Variants in ARHGAP12 observed in about 807,000 individuals in gnomAD.
The protein encoded by ARHGAP12 is Rho GTPase activating protein 12.
A neutral mutation model predicts 108.6 loss-of-function variants in ARHGAP12; 64 were observed. The observed-to-expected ratio is 0.59, with a 90% CI of 0.48 to 0.73. The LOEUF is 0.73. Among genes scored for constraint, ARHGAP12 ranks in the 30% least tolerant of loss-of-function variants. The pLI is 0.00. For synonymous variants in ARHGAP12, 312 were observed against 337.2 expected (o/e 0.93, Z 0.82); for missense variants, 940 against 1,005.9 (o/e 0.93, Z 0.89).
At position 31,806,133 on chromosome 10, in the gene ARHGAP12, G is replaced by A. The variant is rs1834816734; in HGVS notation, c.*1525C>T. ...GGAGAAATAAAAAGTGTACGTTGTG[G>A]GTGGAGAAATGTTGGCATGGAAGAG... is the stretch of plus-strand genomic sequence containing the variant. On this transcript the variant is annotated 3_prime_UTR_variant, in exon 20 of 20. Coordinates refer to ENST00000344936, the MANE Select transcript of ARHGAP12 (RefSeq NM_018287.7). 6.6e-6 allele frequency: 1 copy of A among 152,070 alleles called. No individual in the cohort carries two copies. The highest frequency in any genetic ancestry group is 1.5e-5 in the Non-Finnish European group (1 of 68,002). The allele number at this position is 152,070 out of a possible 1,614,324, so 9.4% of individuals were successfully genotyped here. A position where few individuals can be genotyped will look rare whatever the true frequency, so the allele number is the denominator to read the frequency against.
intron 4 of ARHGAP12, among the ~76,000 whole-genome samples, chr10:31,860,675 G>A (rs1035542346): frequency 2.0e-5 from 3 of 152,134 alleles, no homozygotes; most frequent in African/African-American, 4.8e-5. Flanking sequence ...ACCGCTGACT[G>A]ACAAAGAGAA....
chr10:31,927,838 T>G (rs11818816), intron 1 of ARHGAP12, among the ~76,000 whole-genome samples: 28,952 of 152,108 alleles, frequency 0.19, 3,238 homozygotes, highest in East Asian at 0.4. Flanking sequence ...TCACTTAAGA[T>G]AGCAACGCGT....
rs1285170952 is a variant in ARHGAP12 at position 31,908,849 on chromosome 10, T to C, written c.7A>G (p.Met3Val). MK[M>V]ADRSGKIIPG... ...ATAATCTTCCCACTTCTGTCAGCCA[T>C]TTTCATTCAATAATATTCACCTCTC... is the stretch of plus-strand genomic sequence containing the variant. The change falls in exon 3 of 20, where the codon ATG becomes GTG. Residue 3 changes from methionine (M) to valine (V), a missense_variant. Coordinates refer to ENST00000344936, the MANE Select transcript of ARHGAP12 (RefSeq NM_018287.7). The C allele has an allele frequency of 6.3e-7, 1 of 1,586,400 alleles. No individual in the cohort carries two copies. The highest frequency in any genetic ancestry group is 8.5e-7 in the Non-Finnish European group (1 of 1,171,568).
At chr10:31,836,052 T>C (rs1836003998) in intron 9 of ARHGAP12, among the ~76,000 whole-genome samples, 1 of 152,168 alleles carries the variant, frequency 6.6e-6, no homozygotes, top group Non-Finnish European at 1.5e-5. Context: ...AGTCAATGGA[T>C]ATAAAAAGAA....
chr10:31,821,617 T>G (rs1835420825), intron 11 of ARHGAP12, among the ~76,000 whole-genome samples: 1 of 152,190 alleles, frequency 6.6e-6, no homozygotes, highest in African/African-American at 2.4e-5. Context: ...GTAACTCTAT[T>G]CAGGAGCTTC....
At chr10:31,928,646 GC>G (rs1840176277) in intron 1 of ARHGAP12, 36 bp downstream of exon 1, 1 of 152,400 alleles carries the variant, frequency 6.6e-6, no homozygotes, top group African/African-American at 2.4e-5. Flanking sequence ...TCGCCAACCT[GC>G]CCTCCGTCCG....
At chr10:31,891,369 G>A (rs1412682064) in intron 3 of ARHGAP12, among the ~76,000 whole-genome samples, 5 of 152,084 alleles carry the variant, frequency 3.3e-5, no homozygotes, top group Non-Finnish European at 7.4e-5. Context: ...TTAAATTCTG[G>A]GTTGAAAATT....
At chr10:31,810,201 CAT>C (rs1296283215) in intron 16 of ARHGAP12, among the ~76,000 whole-genome samples, 1 of 152,066 alleles carries the variant, frequency 6.6e-6, no homozygotes, top group African/African-American at 2.4e-5. Context: ...CAGAAAATGA[CAT>C]AAAAATTTTT....
chr10:31,900,553 G>C (rs1838877395), intron 3 of ARHGAP12, among the ~76,000 whole-genome samples: 1 of 152,182 alleles, frequency 6.6e-6, no homozygotes, highest in Admixed American at 6.5e-5. Context: ...AGAAGGCATG[G>C]ATGAATCTTA....
chr10:31,911,102 C>A (rs1355136009), intron 1 of ARHGAP12, among the ~76,000 whole-genome samples: 1 of 152,192 alleles, frequency 6.6e-6, no homozygotes, highest in Admixed American at 6.5e-5. Flanking sequence ...TGGCTCACTG[C>A]AGGCTCTGCC....
chr10:31,809,869 C>T (rs1457833086), intron 16 of ARHGAP12, among the ~76,000 whole-genome samples: 3 of 151,954 alleles, frequency 2.0e-5, no homozygotes, highest in Admixed American at 6.6e-5. Flanking sequence ...AATTAAGCCC[C>T]GAAATTTCAG....
intron 3 of ARHGAP12, among the ~76,000 whole-genome samples, chr10:31,868,416 C>T (rs1837413908): frequency 6.6e-6 from 1 of 151,968 alleles, no homozygotes; most frequent in Non-Finnish European, 1.5e-5. Flanking sequence ...AGAATGATCA[C>T]CTTTAGAGTT....
At chr10:31,830,549 T>G (rs1835794194) in intron 10 of ARHGAP12, among the ~76,000 whole-genome samples, 1 of 152,036 alleles carries the variant, frequency 6.6e-6, no homozygotes, top group South Asian at 2.1e-4. Flanking sequence ...GTAGTATTTA[T>G]AAAGCTATTT....
chr10:31,890,785 A>G (rs2132399828), intron 3 of ARHGAP12, among the ~76,000 whole-genome samples: 1 of 152,318 alleles, frequency 6.6e-6, no homozygotes, highest in South Asian at 2.1e-4. Context: ...ACATTAAAAC[A>G]AAAAGGACTT....
intron 9 of ARHGAP12, among the ~76,000 whole-genome samples, chr10:31,836,937 C>T (rs565553740): frequency 1.3e-5 from 2 of 151,564 alleles, no homozygotes; most frequent in South Asian, 2.1e-4. Flanking sequence ...GTTTTTTTCA[C>T]CTAAAGGTAA....
In ARHGAP12 at chr10:31,861,416, G is replaced by A; in HGVS notation, c.927C>T (p.Phe309=). The A allele has an allele frequency of 6.2e-7, 1 of 1,612,748 alleles. No individual in the cohort carries two copies. The highest frequency in any genetic ancestry group is 8.5e-7 in the Non-Finnish European group (1 of 1,179,608). Residue 309 remains phenylalanine (F), a synonymous_variant, in exon 4 of 20, where the codon TTC becomes TTT. Transcript: ENST00000344936. ...TRDASISKGD[F]QNPGDQELLS... ...ATACCTCTTGATCCCCTGGATTTTGGAAATCTCCTTTGCTGATGCTTGCAT... is the reference window on the plus strand; with the variant it reads ...ATACCTCTTGATCCCCTGGATTTTGAAAATCTCCTTTGCTGATGCTTGCAT...
chr10:31,899,227 C>T (rs907492443), intron 3 of ARHGAP12, among the ~76,000 whole-genome samples: 13 of 152,152 alleles, frequency 8.5e-5, no homozygotes, highest in Non-Finnish European at 1.9e-4. Context: ...CTCTAATGAA[C>T]GTTATCGAAA....
At position 31,839,632 on chromosome 10, in the gene ARHGAP12, C is replaced by A; in HGVS notation, c.1371+5G>T. The A allele has an allele frequency of 6.3e-7, 1 of 1,596,722 alleles. No homozygotes were observed. Among genetic ancestry groups the A allele is most frequent in the Non-Finnish European group, 8.6e-7 (1 of 1,167,332 alleles). On this transcript the variant is annotated splice_donor_5th_base_variant and intron_variant, in intron 8 of 19. Transcript: ENST00000344936. ...CATTATAAGATATGCTTCTATCATACTAACTGTATCTTGGTGCTTTGGTGA... is the reference window on the plus strand; with the variant it reads ...CATTATAAGATATGCTTCTATCATAATAACTGTATCTTGGTGCTTTGGTGA...
intron 1 of ARHGAP12, among the ~76,000 whole-genome samples, chr10:31,920,465 AAAAAAAG>A (rs1188897845): frequency 2.0e-5 from 3 of 151,050 alleles, no homozygotes. Context: ...AAAAAAAAAA[AAAAAAAG>A]AAAACTGAAA....
Sources: gnomAD v4.1 joint callset for allele counts (sites outside exome capture counted in the v4.1 genomes callset) on GRCh38, gnomAD v4.1.1 for gene constraint, MANE v1.5 for transcripts, NCBI Gene and HGNC (gene_info 2026-07-23, HGNC 2026-07-21) for gene names.